Variants in PRKG1 observed in about 807,000 individuals in gnomAD.
The protein encoded by PRKG1 is cGMP-dependent protein kinase 1.
Under a neutral mutation model 88.1 loss-of-function variants are expected in PRKG1, and 35 were observed. That is an observed-to-expected ratio of 0.40 (90% CI 0.30 to 0.53). The LOEUF is 0.53. PRKG1 is among the 20% of genes least tolerant of loss of function. PRKG1 has a pLI of 0.59. For synonymous variants in PRKG1, 303 were observed against 292.5 expected (o/e 1.04, Z -0.37); for missense variants, 540 against 839.8 (o/e 0.64, Z 4.41).
chr10:51,244,790 A>T (rs1366202128), intron 2 of PRKG1: 7 of 151,782 alleles, frequency 4.6e-5, no homozygotes, highest in Non-Finnish European at 1.0e-4. Context: ...TTTTATAGTC[A>T]CTTACTGGAA....
chr10:51,937,996 G>A (rs1157105772), intron 5 of PRKG1, among the ~76,000 whole-genome samples: 1 of 151,942 alleles, frequency 6.6e-6, no homozygotes. Flanking sequence ...CATCGACATC[G>A]TCCGCTCCTG....
intron 4 of PRKG1, among the ~76,000 whole-genome samples, chr10:51,883,735 G>A (rs1421213646): frequency 2.6e-5 from 4 of 152,152 alleles, no homozygotes; most frequent in Admixed American, 2.0e-4. Flanking sequence ...TGCTGGCAGG[G>A]CTGTGTGTCA....
chr10:51,277,464 T>G (rs1001072542), intron 2 of PRKG1, among the ~76,000 whole-genome samples: 3 of 150,086 alleles, frequency 2.0e-5, no homozygotes, highest in Non-Finnish European at 1.5e-5. Context: ...TGGTTCCATA[T>G]GAACTTTAAA....
intron 3 of PRKG1, among the ~76,000 whole-genome samples, chr10:51,581,938 A>G (rs915659389): frequency 2.0e-5 from 3 of 152,136 alleles, no homozygotes; most frequent in Non-Finnish European, 2.9e-5. Context: ...GTACATTAAA[A>G]AAAAAAATGG....
chr10:51,396,223 C>T (rs1837572305), intron 2 of PRKG1, among the ~76,000 whole-genome samples: 1 of 151,638 alleles, frequency 6.6e-6, no homozygotes, highest in Non-Finnish European at 1.5e-5. Flanking sequence ...GTATCTCTAT[C>T]AAAAAAGAAA....
chr10:51,365,154 A>G (rs1374278131), intron 2 of PRKG1, among the ~76,000 whole-genome samples: 1 of 151,922 alleles, frequency 6.6e-6, no homozygotes, highest in East Asian at 1.9e-4. Context: ...ATATGTGTAA[A>G]TCACAAAGCA....
chr10:52,088,235 A>G (rs890386414), intron 7 of PRKG1, among the ~76,000 whole-genome samples: 1 of 151,926 alleles, frequency 6.6e-6, no homozygotes, highest in Non-Finnish European at 1.5e-5. Flanking sequence ...CTTCACATCC[A>G]CAAAAATGCC....
chr10:51,641,225 C>G (rs963455271), intron 3 of PRKG1, among the ~76,000 whole-genome samples: 1 of 152,050 alleles, frequency 6.6e-6, no homozygotes, highest in Admixed American at 6.6e-5. Context: ...CAGGGGTTTC[C>G]AATAGATTTA....
chr10:51,753,805 T>G (rs1354583614), intron 3 of PRKG1, among the ~76,000 whole-genome samples: 2 of 152,214 alleles, frequency 1.3e-5, no homozygotes, highest in Admixed American at 6.5e-5. Flanking sequence ...GAAATAGCTT[T>G]TCTTAATGTA....
chr10:51,162,846 C>G (rs1589210546), intron 2 of PRKG1, among the ~76,000 whole-genome samples: 1 of 152,138 alleles, frequency 6.6e-6, no homozygotes, highest in African/African-American at 2.4e-5. Context: ...GCCTCTTGAG[C>G]AGCTGTGACT....
At chr10:51,255,721 A>C (rs1289934953) in intron 2 of PRKG1, among the ~76,000 whole-genome samples, 1 of 151,226 alleles carries the variant, frequency 6.6e-6, no homozygotes, top group Non-Finnish European at 1.5e-5. Context: ...ACTTTTATTA[A>C]ATGGTTAGGC....
At chr10:52,002,378 G>T (rs1311088808) in intron 5 of PRKG1, among the ~76,000 whole-genome samples, 1 of 152,028 alleles carries the variant, frequency 6.6e-6, no homozygotes, top group Non-Finnish European at 1.5e-5. Flanking sequence ...CTCAGAGTTT[G>T]GTTAATGCTT....
At position 51,689,130 on chromosome 10, in the gene PRKG1, C is replaced by T. The variant is rs535748692; in HGVS notation, c.593-115455C>T. ...CAGCCACGTGGAACTGTGAGTTCTC[C>T]ATTAAACCTCTTTCCTTTGTAAGTT... On this transcript the variant is annotated intron_variant, in intron 3 of 17. Transcript: ENST00000373980. Among the ~76,000 whole-genome samples, 9 of 152,230 alleles carry T rather than the reference C, an allele frequency of 5.9e-5. No homozygotes were observed. In the East Asian group the frequency reaches 1.4e-3, roughly 23 times the overall value.
At chr10:51,837,195 C>T (rs1840153861) in intron 4 of PRKG1, among the ~76,000 whole-genome samples, 1 of 152,140 alleles carries the variant, frequency 6.6e-6, no homozygotes, top group African/African-American at 2.4e-5. Context: ...TGTCAAAGCA[C>T]AGCCTACAGA....
At chr10:51,286,404 T>C (rs1840442634) in intron 2 of PRKG1, among the ~76,000 whole-genome samples, 1 of 152,216 alleles carries the variant, frequency 6.6e-6, no homozygotes, top group Non-Finnish European at 1.5e-5. Flanking sequence ...TCGTCCCTTT[T>C]TCTTTTCCAT....
At chr10:51,856,604 T>G (rs1348911121) in intron 4 of PRKG1, among the ~76,000 whole-genome samples, 1 of 152,198 alleles carries the variant, frequency 6.6e-6, no homozygotes, top group African/African-American at 2.4e-5. Context: ...CATAAGGCTA[T>G]TGTAATGATA....
At chr10:51,921,769 G>C (rs1349175403) in intron 5 of PRKG1, among the ~76,000 whole-genome samples, 1 of 151,966 alleles carries the variant, frequency 6.6e-6, no homozygotes, top group Non-Finnish European at 1.5e-5. Context: ...ATACTACGTA[G>C]TCATGGTATA....
intron 4 of PRKG1, among the ~76,000 whole-genome samples, chr10:51,869,251 C>T (rs935230230): frequency 3.3e-5 from 5 of 152,126 alleles, no homozygotes. Flanking sequence ...AACTAGTAAT[C>T]CCATCATTGC....
intron 9 of PRKG1, among the ~76,000 whole-genome samples, chr10:52,177,994 G>A (rs1182796836): frequency 6.9e-6 from 1 of 144,770 alleles, no homozygotes; most frequent in Non-Finnish European, 1.5e-5. Flanking sequence ...TCAATGTTAT[G>A]TATTACTACT....
Sources: gnomAD v4.1 joint callset for allele counts (sites outside exome capture counted in the v4.1 genomes callset) on GRCh38, gnomAD v4.1.1 for gene constraint, MANE v1.5 for transcripts, NCBI Gene and HGNC (gene_info 2026-07-23, HGNC 2026-07-21) for gene names.